PYM1: variants seen among roughly 807,000 people sequenced by gnomAD.
PYM1 encodes the protein partner of Y14 and mago.
PYM1 carries 7 observed loss-of-function variants against 20.7 expected under a neutral mutation model. That is an observed-to-expected ratio of 0.34 (90% CI 0.19 to 0.64). The LOEUF is 0.64. PYM1 is among the 30% of genes least tolerant of loss of function. The pLI, the probability that PYM1 is intolerant of heterozygous loss-of-function variation, is 0.74. For missense variants in PYM1, 194 were observed against 250.0 expected, an observed-to-expected ratio of 0.78 and a Z score of 1.51; for synonymous variants, 100 against 99.2, an observed-to-expected ratio of 1.01 and a Z score of -0.05.
At chr12:55,912,808 A>G (rs142605343) in intron 1 of PYM1, among the ~76,000 whole-genome samples, 89 of 151,200 alleles carry the variant, frequency 5.9e-4, no homozygotes, top group African/African-American at 1.6e-3. Context: ...CTACTAAAAT[A>G]CAAAAATTAG....
intron 1 of PYM1, among the ~76,000 whole-genome samples, chr12:55,907,839 T>G (rs1333345206): frequency 6.6e-6 from 1 of 151,672 alleles, no homozygotes; most frequent in Non-Finnish European, 1.5e-5. Context: ...CTCAGGAGGC[T>G]GAGGCAGGAA....
intron 1 of PYM1, among the ~76,000 whole-genome samples, chr12:55,909,217 G>C (rs1279304033): frequency 2.0e-5 from 3 of 152,184 alleles, no homozygotes; most frequent in East Asian, 1.9e-4. Context: ...AGGCTTCCTG[G>C]AGGGAGGACT....
chr12:55,911,318 G>T (rs1390989606), intron 1 of PYM1, among the ~76,000 whole-genome samples: 1 of 151,588 alleles, frequency 6.6e-6, no homozygotes, highest in Non-Finnish European at 1.5e-5. Context: ...TGCCATGTTG[G>T]CCAAGCTGGT....
chr12:55,918,266 T>C, intron 1 of PYM1, among the ~76,000 whole-genome samples: 1 of 151,682 alleles, frequency 6.6e-6, no homozygotes, highest in Non-Finnish European at 1.5e-5. Context: ...CCCGGCTAAG[T>C]TTCTTTTGTA....
chr12:55,904,733 C>T (rs1206918605), intron 1 of PYM1, among the ~76,000 whole-genome samples: 2 of 151,494 alleles, frequency 1.3e-5, no homozygotes, highest in African/African-American at 2.4e-5. Context: ...AAAAATTAGC[C>T]GGGTGTGATG....
chr12:55,921,895 TG>T (rs1883103736), intron 1 of PYM1, among the ~76,000 whole-genome samples: 1 of 152,150 alleles, frequency 6.6e-6, no homozygotes, highest in Admixed American at 6.6e-5. Flanking sequence ...TTTTTTTAAT[TG>T]TTTTTTGAGA....
intron 1 of PYM1, among the ~76,000 whole-genome samples, chr12:55,905,585 C>G (rs1882781399): frequency 6.7e-6 from 1 of 149,632 alleles, no homozygotes; most frequent in Non-Finnish European, 1.5e-5. Context: ...GCCTGTAATC[C>G]TAGCTACCCG....
rs1882687200 is a variant in PYM1, at chr12:55,901,525, A to C, written c.*347T>G. 1 of 215,912 alleles carries C rather than the reference A, an allele frequency of 4.6e-6. No individual in the cohort carries two copies. Among genetic ancestry groups the C allele is most frequent in the Non-Finnish European group, 9.3e-6 (1 of 107,520 alleles). 13.4% of individuals were successfully genotyped at this position (215,912 alleles called of 1,614,324 possible). A position where few individuals can be genotyped will look rare whatever the true frequency, so the allele number is the denominator to read the frequency against. On this transcript the variant is annotated 3_prime_UTR_variant, in exon 3 of 3. Transcript: ENST00000408946. ...ACCGCGAACAGGAACCAAGACTCCA[A>C]GACTTGGGCATACTCCCTCTACCCT...
intron 1 of PYM1, among the ~76,000 whole-genome samples, chr12:55,924,446 C>T (rs1385772430): frequency 6.6e-6 from 1 of 151,986 alleles, no homozygotes; most frequent in African/African-American, 2.4e-5. Context: ...AGTTCAAAAC[C>T]AGCCTGGGCA....
At chr12:55,904,679 C>G (rs958900851) in intron 1 of PYM1, among the ~76,000 whole-genome samples, 1 of 150,388 alleles carries the variant, frequency 6.6e-6, no homozygotes, top group African/African-American at 2.4e-5. Context: ...GAGTTCGAGA[C>G]CAGCCTGGCC....
intron 1 of PYM1, among the ~76,000 whole-genome samples, chr12:55,915,612 G>T (rs1882993242): frequency 6.7e-6 from 1 of 149,964 alleles, no homozygotes; most frequent in African/African-American, 2.4e-5. Flanking sequence ...GTGCCAATAG[G>T]GTTATCAAGA....
intron 1 of PYM1, among the ~76,000 whole-genome samples, chr12:55,918,138 C>T (rs1285236421): frequency 6.6e-6 from 1 of 150,552 alleles, no homozygotes; most frequent in Admixed American, 6.6e-5. Context: ...CGCTCTGTCG[C>T]CCAGGCTAGA....
Position 55,902,063 on chromosome 12 carries a change from G to A in PYM1, c.424C>T (p.Pro142Ser). 1.2e-6 allele frequency: 2 copies of A among 1,614,084 alleles called. No individual in the cohort carries two copies. Among genetic ancestry groups the A allele is most frequent in the East Asian group, 2.2e-5 (1 of 44,874 alleles). Reference protein sequence around the residue: ...RAAPTAASDQPDSAATTEKAK... With the variant: ...RAAPTAASDQSDSAATTEKAK... Reference sequence around the variant, plus strand: ...TTCTCAGTGGTGGCAGCTGAGTCAGGCTGGTCAGATGCAGCTGTGGGGGCT... The same window carrying A: ...TTCTCAGTGGTGGCAGCTGAGTCAGACTGGTCAGATGCAGCTGTGGGGGCT... The change falls in exon 3 of 3, where the codon CCT becomes TCT. Residue 142 changes from proline to serine, a missense_variant. By Grantham distance (74) the Pro-to-Ser change is moderately conservative. Transcript: ENST00000408946.
At chr12:55,914,260 T>C (rs150060789) in intron 1 of PYM1, 101 of 701,796 alleles carry the variant, frequency 1.4e-4, no homozygotes, top group Non-Finnish European at 2.2e-4. Context: ...AATAGCCCAT[T>C]ATCACAAAGG....
chr12:55,911,733 C>T (rs1320774819), intron 1 of PYM1, among the ~76,000 whole-genome samples: 5 of 151,386 alleles, frequency 3.3e-5, no homozygotes, highest in Admixed American at 6.6e-5. Context: ...CCCAGCTACT[C>T]GGGAGGCTGA....
At chr12:55,915,654 TAC>T (rs1882993867) in intron 1 of PYM1, among the ~76,000 whole-genome samples, 2 of 151,482 alleles carry the variant, frequency 1.3e-5, no homozygotes, top group Non-Finnish European at 2.9e-5. Context: ...TCAAAAAATT[TAC>T]AGACTAAGTA....
At chr12:55,921,350 G>A (rs1171725427) in intron 1 of PYM1, among the ~76,000 whole-genome samples, 1 of 152,112 alleles carries the variant, frequency 6.6e-6, no homozygotes, top group Non-Finnish European at 1.5e-5. Flanking sequence ...TTTCATTGAT[G>A]AGAAAACTAA....
At chr12:55,927,274 T>C (rs1476425168) in intron 1 of PYM1, 1 of 1,040,870 alleles carries the variant, frequency 9.6e-7, no homozygotes, top group Non-Finnish European at 1.5e-6. Flanking sequence ...GAAGCTGAAA[T>C]AGTTAATAAA....
chr12:55,912,706 T>C (rs944444289), intron 1 of PYM1, among the ~76,000 whole-genome samples: 7 of 152,182 alleles, frequency 4.6e-5, no homozygotes. Context: ...GGTTCACGTA[T>C]GTAATCCCAG....
Sources: allele counts gnomAD v4.1 joint callset (sites outside exome capture counted in the v4.1 genomes callset), GRCh38; gene constraint gnomAD v4.1.1; transcripts MANE v1.5; gene names NCBI Gene and HGNC (gene_info 2026-07-23, HGNC 2026-07-21).